Variants in HECW1 observed in about 807,000 individuals in gnomAD.
HECW1 encodes the protein HECT, C2 and WW domain containing E3 ubiquitin protein ligase 1, also known as E3 ubiquitin-protein ligase HECW1.
A neutral mutation model predicts 182.3 loss-of-function variants in HECW1; 61 were observed. The observed-to-expected ratio is 0.33, with a 90% CI of 0.27 to 0.41. The LOEUF (loss-of-function observed/expected upper bound fraction) is 0.41. Ranked by LOEUF, HECW1 falls within the 10% of genes least tolerant of loss-of-function variation. The pLI is 1.00. For synonymous variants in HECW1, 859 were observed against 832.6 expected, an observed-to-expected ratio of 1.03 and a Z score of -0.55; for missense variants, 1,739 against 2,108.9, an observed-to-expected ratio of 0.82 and a Z score of 3.44.
intron 3 of HECW1, among the ~76,000 whole-genome samples, chr7:43,255,311 T>C (rs1425348742): frequency 2.0e-5 from 3 of 152,192 alleles, no homozygotes; most frequent in East Asian, 1.9e-4. Flanking sequence ...AAATAAGATT[T>C]ATTCAGGCCG....
chr7:43,541,153 T>G lies in HECW1; in HGVS notation c.4020-10T>G, dbSNP rs761179244. On this transcript the variant is annotated splice_polypyrimidine_tract_variant and intron_variant, in intron 24 of 29. Coordinates refer to ENST00000395891, the MANE Select transcript of HECW1 (RefSeq NM_015052.5). Reference sequence around the variant, plus strand: ...CACTTACCGATTTCTCTGCCTTGTCTGTGTTCCAGGTTCAGGTTTAGCGGT... The same window carrying G: ...CACTTACCGATTTCTCTGCCTTGTCGGTGTTCCAGGTTCAGGTTTAGCGGT... 2 of 1,606,880 alleles carry G rather than the reference T, an allele frequency of 1.2e-6. No individual in the cohort carries two copies. The highest frequency in any genetic ancestry group is 1.7e-6 in the Non-Finnish European group (2 of 1,173,386).
chr7:43,380,214 G>A (rs947510663), intron 6 of HECW1, among the ~76,000 whole-genome samples: 1 of 152,086 alleles, frequency 6.6e-6, no homozygotes, highest in African/African-American at 2.4e-5. Flanking sequence ...CACCACACCT[G>A]GCTAATATTT....
At chr7:43,225,923 AC>A (rs2152705870) in intron 2 of HECW1, among the ~76,000 whole-genome samples, 1 of 152,184 alleles carries the variant, frequency 6.6e-6, no homozygotes, top group African/African-American at 2.4e-5. Context: ...GGCACATGCC[AC>A]CAACTCAGCT....
intron 28 of HECW1, 58 bp downstream of exon 28, chr7:43,552,394 A>C: frequency 9.0e-7 from 1 of 1,108,152 alleles, no homozygotes; most frequent in Non-Finnish European, 1.4e-6. Flanking sequence ...AGCACTTTCC[A>C]AAAGATTGTT....
chr7:43,233,503 A>G (rs73690276), intron 2 of HECW1, among the ~76,000 whole-genome samples: 5,833 of 152,306 alleles, frequency 0.038, 335 homozygotes, highest in African/African-American at 0.12. Context: ...GTGGTGGTGC[A>G]GTCCATTTAG....
chr7:43,463,562 C>T (rs1388254672), intron 13 of HECW1, 98 bp from the exon 14 acceptor site: 3 of 1,149,804 alleles, frequency 2.6e-6, no homozygotes, highest in African/African-American at 1.5e-5. Context: ...ACATTCAAGA[C>T]AATTCTTTAC....
intron 6 of HECW1, among the ~76,000 whole-genome samples, chr7:43,387,726 C>T (rs1483653445): frequency 6.6e-6 from 1 of 152,232 alleles, no homozygotes; most frequent in Non-Finnish European, 1.5e-5. Flanking sequence ...GATTTCTCCT[C>T]CACAGTGAAT....
intron 6 of HECW1, among the ~76,000 whole-genome samples, chr7:43,383,796 A>G (rs2074656991): frequency 6.6e-6 from 1 of 150,858 alleles, no homozygotes; most frequent in African/African-American, 2.5e-5. Flanking sequence ...TTAACCACTA[A>G]CACCCTGTTG....
chr7:43,165,038 A>G (rs910680146), intron 2 of HECW1, among the ~76,000 whole-genome samples: 1 of 152,192 alleles, frequency 6.6e-6, no homozygotes, highest in African/African-American at 2.4e-5. Context: ...GTTTCAGAAC[A>G]TTTCCACTTT....
chr7:43,152,574 G>A (rs1789456314), intron 2 of HECW1, among the ~76,000 whole-genome samples: 1 of 151,972 alleles, frequency 6.6e-6, no homozygotes, highest in African/African-American at 2.4e-5. Context: ...ATATTGCTTT[G>A]TTGTTGTTGT....
intron 2 of HECW1, among the ~76,000 whole-genome samples, chr7:43,217,701 C>T (rs78745701): frequency 0.022 from 3,307 of 152,332 alleles, 119 homozygotes; most frequent in African/African-American, 0.075. Context: ...CACTCCTCTT[C>T]TCTTTCTGAA....
intron 5 of HECW1, among the ~76,000 whole-genome samples, chr7:43,328,610 A>T (rs1418800705): frequency 1.3e-5 from 2 of 152,248 alleles, no homozygotes; most frequent in Non-Finnish European, 2.9e-5. Flanking sequence ...ATTCCATTGC[A>T]TCTGGGGGAC....
intron 8 of HECW1, among the ~76,000 whole-genome samples, chr7:43,424,858 T>A (rs1323345402): frequency 6.6e-6 from 1 of 152,176 alleles, no homozygotes; most frequent in African/African-American, 2.4e-5. Context: ...TTTTTTAAAA[T>A]TTTAAGCCCA....
intron 4 of HECW1, among the ~76,000 whole-genome samples, chr7:43,316,471 G>T (rs1809262651): frequency 6.6e-6 from 1 of 152,134 alleles, no homozygotes; most frequent in Non-Finnish European, 1.5e-5. Context: ...AAGACCACTA[G>T]CTGTATTAGC....
intron 17 of HECW1, among the ~76,000 whole-genome samples, chr7:43,488,434 G>GAGAATGAAAGAA (rs1554440500): frequency 1.1e-5 from 1 of 93,082 alleles, no homozygotes; most frequent in African/African-American, 4.4e-5. Context: ...AAGAAAGAAA[G>GAGAATGAAAGAA]AGAAAGAAAG....
At chr7:43,188,411 G>T (rs946889382) in intron 2 of HECW1, among the ~76,000 whole-genome samples, 1 of 151,170 alleles carries the variant, frequency 6.6e-6, no homozygotes. Flanking sequence ...CTAGGTTAGT[G>T]GTTAAACTCA....
chr7:43,146,003 G>A (rs1284344497), intron 2 of HECW1, among the ~76,000 whole-genome samples: 2 of 152,124 alleles, frequency 1.3e-5, no homozygotes, highest in Non-Finnish European at 2.9e-5. Flanking sequence ...ATCACTTGGG[G>A]CCCTTACAAT....
At chr7:43,537,185 G>C (rs574666868) in intron 24 of HECW1, among the ~76,000 whole-genome samples, 212 of 152,322 alleles carry the variant, frequency 1.4e-3, no homozygotes, top group African/African-American at 4.7e-3. Flanking sequence ...ACAGGCTCTC[G>C]AACGGGGCCC....
At chr7:43,530,504 T>TATGGATGGATGG (rs71011921) in intron 24 of HECW1, among the ~76,000 whole-genome samples, 242 of 150,516 alleles carry the variant, frequency 1.6e-3, no homozygotes, top group Middle Eastern at 3.4e-3. Flanking sequence ...CCATATCTTT[T>TATGGATGGATGG]ATGGATGGAT....
Sources: allele counts gnomAD v4.1 joint callset (sites outside exome capture counted in the v4.1 genomes callset), GRCh38; gene constraint gnomAD v4.1.1; transcripts MANE v1.5; gene names NCBI Gene and HGNC (gene_info 2026-07-23, HGNC 2026-07-21).